Variants in FAM185A observed in about 807,000 individuals in gnomAD.
The protein encoded by FAM185A is protein FAM185A.
FAM185A carries 21 observed loss-of-function variants against 45.7 expected under a neutral mutation model. The ratio of observed to expected loss-of-function variants is 0.46; its 90% confidence interval spans 0.33 to 0.66. The LOEUF (loss-of-function observed/expected upper bound fraction) is 0.66, where lower values mean the gene tolerates loss of function less well. FAM185A is among the 30% of genes least tolerant of loss of function. FAM185A has a pLI of 0.03. For synonymous variants in FAM185A, 117 were observed against 194.0 expected (o/e 0.60, Z 3.30); for missense variants, 305 against 485.4 (o/e 0.63, Z 3.49).
At chr7:102,776,059 G>A (rs917129146) in intron 5 of FAM185A, among the ~76,000 whole-genome samples, 1 of 150,294 alleles carries the variant, frequency 6.7e-6, no homozygotes, top group African/African-American at 2.5e-5. Flanking sequence ...TTTGTTTGAA[G>A]TCAGTTAACA....
At chr7:102,821,350 T>G in the FAM185A span, among the ~76,000 whole-genome samples, 55 of 152,294 alleles carry the variant, frequency 3.6e-4, no homozygotes, top group East Asian at 6.9e-3. Context: ...TTACAAGTAA[T>G]TTTTCTTTCT....
chr7:102,775,273 T>G (rs1355349455), intron 5 of FAM185A, among the ~76,000 whole-genome samples: 4 of 152,216 alleles, frequency 2.6e-5, no homozygotes, highest in Non-Finnish European at 4.4e-5. Context: ...ACATTAGATC[T>G]ACAGGACTTT....
chr7:102,753,099 C>CT (rs920611513), intron 2 of FAM185A, among the ~76,000 whole-genome samples: 2 of 152,168 alleles, frequency 1.3e-5, no homozygotes, highest in African/African-American at 2.4e-5. Flanking sequence ...ATCACAAGTC[C>CT]TTTTAGCAAA....
chr7:102,845,278 A>C, the FAM185A span, among the ~76,000 whole-genome samples: 1 of 152,214 alleles, frequency 6.6e-6, no homozygotes, highest in East Asian at 1.9e-4. Flanking sequence ...TACACCCAGG[A>C]AACTCCAAGG....
chr7:102,834,169 G>A, the FAM185A span, among the ~76,000 whole-genome samples: 1 of 147,110 alleles, frequency 6.8e-6, no homozygotes, highest in Non-Finnish European at 1.5e-5. Context: ...AGAAAAAGGA[G>A]GAAATTTCCT....
the FAM185A span, chr7:102,833,009 C>A: frequency 0.011 from 17,736 of 1,610,706 alleles, 870 homozygotes; most frequent in East Asian, 0.15. Flanking sequence ...TTTTTCTTTT[C>A]TTTAGTCATC....
the FAM185A span, among the ~76,000 whole-genome samples, chr7:102,829,856 G>A: frequency 6.6e-6 from 1 of 152,134 alleles, no homozygotes; most frequent in Non-Finnish European, 1.5e-5. Flanking sequence ...ATCAACATAA[G>A]TGGAATATGT....
intron 7 of FAM185A, among the ~76,000 whole-genome samples, chr7:102,798,358 A>AAATT (rs1175854288): frequency 6.6e-6 from 1 of 152,222 alleles, no homozygotes; most frequent in Admixed American, 6.5e-5. Flanking sequence ...AAGTTTCAGT[A>AAATT]AATTACTTAT....
chr7:102,841,924 C>T, the FAM185A span, among the ~76,000 whole-genome samples: 2 of 152,126 alleles, frequency 1.3e-5, no homozygotes, highest in East Asian at 3.8e-4. Context: ...GTTGCTTTCT[C>T]CACAAGCTAC....
Position 102,808,525 on chromosome 7 carries a change from C to A in FAM185A, c.*123C>A. The A allele has an allele frequency of 1.5e-6, 1 of 676,188 alleles. No individual in the cohort carries two copies. Among genetic ancestry groups the A allele is most frequent in the South Asian group, 1.8e-5 (1 of 54,422 alleles). The allele number at this position is 676,188 out of a possible 1,614,324, so 41.9% of individuals were successfully genotyped here. On this transcript the variant is annotated 3_prime_UTR_variant, in exon 8 of 8. Coordinates refer to ENST00000413034, the MANE Select transcript of FAM185A (RefSeq NM_001145268.2). ...CAAATTGAGAATGAATACTGGTGAA[C>A]TGTTTTGGGAGGCTTTTTCAAAATT... is the stretch of plus-strand genomic sequence containing the variant.
chr7:102,779,174 A>G (rs1795256554), intron 6 of FAM185A, among the ~76,000 whole-genome samples: 1 of 152,212 alleles, frequency 6.6e-6, no homozygotes, highest in Non-Finnish European at 1.5e-5. Context: ...TTAAGAGGAT[A>G]GTACTGATGT....
the FAM185A span, among the ~76,000 whole-genome samples, chr7:102,847,368 G>A: frequency 1.3e-5 from 2 of 152,220 alleles, no homozygotes; most frequent in Non-Finnish European, 2.9e-5. Context: ...ACTCTTGACA[G>A]CTAGTCCCAC....
chr7:102,758,615 T>C (rs1314481004), intron 3 of FAM185A, among the ~76,000 whole-genome samples: 1 of 151,790 alleles, frequency 6.6e-6, no homozygotes, highest in East Asian at 1.9e-4. Flanking sequence ...TGATAATGTA[T>C]CTTTGAGAAA....
intron 7 of FAM185A, among the ~76,000 whole-genome samples, chr7:102,801,682 T>G (rs1796799842): frequency 1.3e-5 from 2 of 152,152 alleles, no homozygotes; most frequent in Admixed American, 1.3e-4. Flanking sequence ...CCCAGCACTT[T>G]GGGAGGCTGA....
the FAM185A span, chr7:102,814,271 A>C: frequency 6.6e-6 from 1 of 152,202 alleles, no homozygotes; most frequent in Non-Finnish European, 1.5e-5. Context: ...GTACGATTAG[A>C]AATGAGTAAC....
At chr7:102,845,825 G>A in the FAM185A span, among the ~76,000 whole-genome samples, 1 of 152,178 alleles carries the variant, frequency 6.6e-6, no homozygotes, top group East Asian at 1.9e-4. Context: ...TGATTTTTCT[G>A]ACAGATAAAC....
the FAM185A span, among the ~76,000 whole-genome samples, chr7:102,845,894 A>G: frequency 1.3e-5 from 2 of 152,154 alleles, no homozygotes; most frequent in Non-Finnish European, 2.9e-5. Flanking sequence ...ATAGCCTCCT[A>G]CATACCTTTA....
chr7:102,845,646 T>C, the FAM185A span, among the ~76,000 whole-genome samples: 1 of 152,196 alleles, frequency 6.6e-6, no homozygotes, highest in African/African-American at 2.4e-5. Flanking sequence ...GCTATCTAAA[T>C]GTTCATGTTC....
At chr7:102,803,792 C>G (rs940183145) in intron 7 of FAM185A, among the ~76,000 whole-genome samples, 3 of 152,160 alleles carry the variant, frequency 2.0e-5, no homozygotes, top group Admixed American at 2.0e-4. Context: ...CCTAAAGACT[C>G]CTCTAGAAAG....
Sources: gnomAD v4.1 joint callset for allele counts (sites outside exome capture counted in the v4.1 genomes callset) on GRCh38, gnomAD v4.1.1 for gene constraint, MANE v1.5 for transcripts, NCBI Gene and HGNC (gene_info 2026-07-23, HGNC 2026-07-21) for gene names.